ZWILCH: variants seen among roughly 807,000 people sequenced by gnomAD.
ZWILCH encodes the protein protein zwilch homolog.
ZWILCH carries 74 observed loss-of-function variants against 79.9 expected under a neutral mutation model. The ratio of observed to expected loss-of-function variants is 0.93; its 90% CI spans 0.77 to 1.12. The LOEUF (loss-of-function observed/expected upper bound fraction) is 1.12, where lower values mean the gene tolerates loss of function less well. ZWILCH is among the 50% of genes most tolerant of loss of function. The pLI is 0.00. For synonymous variants in ZWILCH, 241 were observed against 228.2 expected, an observed-to-expected ratio of 1.06 and a Z score of -0.51; for missense variants, 694 against 687.5, an observed-to-expected ratio of 1.01 and a Z score of -0.11.
chr15:66,524,538 T>C (rs1213156913), intron 8 of ZWILCH: 2 of 152,214 alleles, frequency 1.3e-5, no homozygotes, highest in Non-Finnish European at 2.9e-5. Context: ...TATGCACTTC[T>C]CCCACCTCTT....
chr15:66,509,412 A>G (rs1035457976), intron 2 of ZWILCH, among the ~76,000 whole-genome samples: 8 of 152,130 alleles, frequency 5.3e-5, no homozygotes, highest in African/African-American at 1.7e-4. Context: ...AGAATATCCT[A>G]TAAATAAAAT....
At position 66,518,976 on chromosome 15, in the gene ZWILCH, T is replaced by C. The variant is rs1894391261; in HGVS notation, c.418T>C (p.Cys140Arg). 3 of 1,614,120 alleles carry C rather than the reference T, an allele frequency of 1.9e-6. No individual in the cohort carries two copies. Among genetic ancestry groups the C allele is most frequent in the East Asian group, 4.5e-5 (2 of 44,896 alleles). ...VTALPPLWVR[C>R]DSSDPEGTCW... is the part of the protein sequence containing the mutation. Reference sequence around the variant, plus strand: ...TGCCCTTCCTCCCCTTTGGGTAAGATGTGACAGTTCAGATCCTGAAGGTAC... The same window carrying C: ...TGCCCTTCCTCCCCTTTGGGTAAGACGTGACAGTTCAGATCCTGAAGGTAC... Residue 140 changes from cysteine to arginine, a missense_variant, in exon 5 of 19, where the codon TGT becomes CGT. Coordinates refer to ENST00000307897, the MANE Select transcript of ZWILCH (RefSeq NM_017975.5).
In ZWILCH at chr15:66,539,620, A is replaced by G. The variant is rs190565702; in HGVS notation, c.1575-478A>G. Among the ~76,000 whole-genome samples the G allele has an allele frequency of 4.8e-4, 73 of 152,256 alleles. 1 individual carries two copies. The highest frequency in any genetic ancestry group is 8.2e-4 in the Non-Finnish European group (56 of 68,014). On this transcript the variant is annotated intron_variant, in intron 16 of 18. Coordinates refer to ENST00000307897, the MANE Select transcript of ZWILCH (RefSeq NM_017975.5). ...CCAAAATGATCTTCCTAAAAATTCA[A>G]ATCCCACCAGGACTTCCTCCTGTTT...
chr15:66,540,082 T>C lies in ZWILCH; in HGVS notation c.1575-16T>C, dbSNP rs779897196. The C allele has an allele frequency of 6.3e-7, 1 of 1,583,990 alleles. No individual in the cohort carries two copies. The highest frequency in any genetic ancestry group is 1.9e-5 in the Admixed American group (1 of 52,316). On this transcript the variant is annotated splice_polypyrimidine_tract_variant and intron_variant, in intron 16 of 18. Transcript: ENST00000307897. Reference sequence around the variant, plus strand: ...TTTTTGAAAATTTTTCTTTTGTCGTTTTATTCTTTCCTTAGTGAGAAGCCA... The same window carrying C: ...TTTTTGAAAATTTTTCTTTTGTCGTCTTATTCTTTCCTTAGTGAGAAGCCA...
chr15:66,523,762 T>G lies in ZWILCH; in HGVS notation c.819+14T>G. ...AAATTTCTTCTTGTGAGTATCCTTC[T>G]AGAATTCCTTTCCTTAAATCTATGT... On this transcript the variant is annotated intron_variant, in intron 8 of 18. Transcript: ENST00000307897. 1 of 1,577,806 alleles carries G rather than the reference T, an allele frequency of 6.3e-7. No individual in the cohort carries two copies. The highest frequency in any genetic ancestry group is 8.7e-7 in the Non-Finnish European group (1 of 1,150,362).
chr15:66,532,440 C>A (rs201969350), intron 13 of ZWILCH, 37 bp downstream of exon 13: 3 of 1,553,604 alleles, frequency 1.9e-6, no homozygotes, highest in Non-Finnish European at 2.6e-6. Flanking sequence ...TTAAAAAACA[C>A]ATCACAGTTA....
chr15:66,513,409 T>C (rs1359709234), intron 2 of ZWILCH, among the ~76,000 whole-genome samples: 1 of 151,546 alleles, frequency 6.6e-6, no homozygotes, highest in African/African-American at 2.4e-5. Context: ...GTATGAAAAA[T>C]AAAATAATTA....
rs760707213 is a variant in ZWILCH, at chr15:66,521,102, A to G, written c.644A>G (p.Asp215Gly). Reference sequence around the variant, plus strand: ...GAGCTCTTTAAGTCCTCTGCCTTGGATGATACAATCACAGCATCACAAACT... The same window carrying G: ...GAGCTCTTTAAGTCCTCTGCCTTGGGTGATACAATCACAGCATCACAAACT... Reference protein sequence around the residue: ...QYELFKSSALDDTITASQTAI... With the variant: ...QYELFKSSALGDTITASQTAI... The change falls in exon 7 of 19, where the codon GAT (aspartate) becomes GGT (glycine). Residue 215 changes from aspartate to glycine, a missense_variant. Transcript: ENST00000307897. The G allele has an allele frequency of 2.5e-6, 4 of 1,614,126 alleles. No individual in the cohort carries two copies. In the South Asian group the frequency reaches 4.4e-5, roughly 18 times the overall value.
intron 9 of ZWILCH, 117 bp downstream of exon 9, chr15:66,527,500 A>T: frequency 2.4e-6 from 2 of 824,088 alleles, no homozygotes; most frequent in Non-Finnish European, 3.9e-6. Context: ...GAGATCTGTT[A>T]TGGTCAGAGG....
intron 18 of ZWILCH, chr15:66,547,325 A>G (rs1294537087): frequency 6.6e-6 from 1 of 150,624 alleles, no homozygotes; most frequent in South Asian, 2.1e-4. Flanking sequence ...CAGCCTCCCA[A>G]GTAGCTGGGA....
intron 6 of ZWILCH, 36 bp downstream of exon 6, chr15:66,520,696 A>T (rs1307874401): frequency 7.2e-7 from 1 of 1,383,704 alleles, no homozygotes; most frequent in South Asian, 1.3e-5. Context: ...TATTTTCTTC[A>T]AATTGTTGTC....
At chr15:66,536,894 C>CAA (rs1409417613) in intron 15 of ZWILCH, among the ~76,000 whole-genome samples, 462 of 152,058 alleles carry the variant, frequency 3.0e-3, no homozygotes, top group African/African-American at 0.011. Context: ...CGAAGCCTTT[C>CAA]TTTGGCCTCA....
chr15:66,522,850 A>G (rs1567045144), intron 7 of ZWILCH, among the ~76,000 whole-genome samples: 1 of 151,460 alleles, frequency 6.6e-6, no homozygotes, highest in African/African-American at 2.4e-5. Flanking sequence ...TTTGAGACAG[A>G]GTCTTACTGT....
At chr15:66,509,893 A>G (rs1305191106) in intron 2 of ZWILCH, among the ~76,000 whole-genome samples, 1 of 142,096 alleles carries the variant, frequency 7.0e-6, no homozygotes, top group East Asian at 2.0e-4. Flanking sequence ...AATGAGGAAG[A>G]TGGCTGGGCA....
chr15:66,525,845 T>G (rs1240668043), intron 8 of ZWILCH, among the ~76,000 whole-genome samples: 1 of 137,346 alleles, frequency 7.3e-6, no homozygotes, highest in Non-Finnish European at 1.5e-5. Flanking sequence ...CACTACAGCC[T>G]CCTCCTCCTA....
chr15:66,533,796 T>G (rs1199503538), intron 14 of ZWILCH, among the ~76,000 whole-genome samples: 2 of 151,996 alleles, frequency 1.3e-5, no homozygotes, highest in Non-Finnish European at 2.9e-5. Flanking sequence ...TCTGCATCCA[T>G]GGATTCAACC....
rs755028225 is a variant in ZWILCH at position 66,505,378 on chromosome 15, TCTC to T, written c.41_43del (p.Ser14_Arg15delinsCys). The T allele has an allele frequency of 9.9e-6, 16 of 1,614,162 alleles. No homozygotes were observed. The highest frequency in any genetic ancestry group is 1.4e-5 in the Non-Finnish European group (16 of 1,180,014). ...GAACTGCGCAGCAGAGGACTTTTAT[TCTC>T]GTCTCCTTCAGTGAGTCTAGTCTCT... On this transcript the variant is annotated inframe_deletion, in exon 1 of 19. Transcript: ENST00000307897.
At chr15:66,513,601 T>A (rs1160175853) in intron 2 of ZWILCH, among the ~76,000 whole-genome samples, 4 of 149,644 alleles carry the variant, frequency 2.7e-5, no homozygotes, top group Non-Finnish European at 5.9e-5. Flanking sequence ...AAACAGAGTC[T>A]CACTCTGTCC....
At chr15:66,532,468 C>T (rs375590796) in intron 13 of ZWILCH, 65 bp downstream of exon 13, 63 of 1,429,526 alleles carry the variant, frequency 4.4e-5, no homozygotes, top group Middle Eastern at 4.0e-4. Context: ...CAGATATTCT[C>T]GGATTTTCTG....
Sources: allele counts gnomAD v4.1 joint callset (sites outside exome capture counted in the v4.1 genomes callset), GRCh38; gene constraint gnomAD v4.1.1; transcripts MANE v1.5; gene names NCBI Gene and HGNC (gene_info 2026-07-23, HGNC 2026-07-21).